ST3GAL1: variants seen among roughly 807,000 people sequenced by gnomAD.
ST3GAL1 encodes ST3 beta-galactoside alpha-2,3-sialyltransferase 1.
In ST3GAL1, 16 loss-of-function variants were observed where a neutral mutation model predicts 34.1. The observed-to-expected ratio is 0.47, with a 90% CI of 0.32 to 0.71. The LOEUF is 0.71. ST3GAL1 is among the 30% of genes least tolerant of loss of function. The pLI, the probability that ST3GAL1 is intolerant of heterozygous loss-of-function variation, is 0.04. For synonymous variants in ST3GAL1, 191 were observed against 184.7 expected, an observed-to-expected ratio of 1.03 and a Z score of -0.28; for missense variants, 353 against 447.4, an observed-to-expected ratio of 0.79 and a Z score of 1.90.
chr8:133,558,392 G>A (rs1819119665), intron 1 of ST3GAL1, among the ~76,000 whole-genome samples: 1 of 152,202 alleles, frequency 6.6e-6, no homozygotes, highest in East Asian at 1.9e-4. Context: ...GAGAGGTTCA[G>A]CAACTTGCTG....
intron 5 of ST3GAL1, among the ~76,000 whole-genome samples, chr8:133,474,611 T>G (rs1306688839): frequency 6.6e-6 from 1 of 152,046 alleles, no homozygotes; most frequent in Non-Finnish European, 1.5e-5. Flanking sequence ...CTCCCCTGAT[T>G]TACAGCCCCC....
Position 133,469,556 on chromosome 8 carries a change from C to T in ST3GAL1, c.307-3466G>A, listed in dbSNP as rs1220928533. Among the ~76,000 whole-genome samples the T allele has an allele frequency of 3.3e-5, 5 of 152,192 alleles. No individual in the cohort carries two copies. The highest frequency in any genetic ancestry group is 5.9e-5 in the Non-Finnish European group (4 of 68,036). On this transcript the variant is annotated intron_variant, in intron 5 of 9. Coordinates refer to ENST00000522652, the MANE Select transcript of ST3GAL1 (RefSeq NM_173344.3). This position sits in a 1 kb window ranked among gnomAD's most constrained non-coding sequence, Gnocchi z 4.3. ...TAAACTTATTAGAAAGGAAACCTCT[C>T]ATCTCTACCACACGTAGAAAGCAAG...
At chr8:133,479,061 T>C (rs1334238111) in intron 3 of ST3GAL1, among the ~76,000 whole-genome samples, 1 of 152,186 alleles carries the variant, frequency 6.6e-6, no homozygotes, top group East Asian at 1.9e-4. Flanking sequence ...CACCTAGCCC[T>C]TCCGAACCAT....
rs191466113 is a variant in ST3GAL1 at position 133,561,647 on chromosome 8, G to T, written c.-582+10046C>A. On this transcript the variant is annotated intron_variant, in intron 1 of 9. Transcript: ENST00000522652. ...GGATGTAGAGACTTAGATTTATGTT[G>T]TTTTTTTTGCCACTGTTCTCACGCT... Among the ~76,000 whole-genome samples, 6 of 151,998 alleles carry T rather than the reference G, an allele frequency of 3.9e-5. No individual in the cohort carries two copies. In the East Asian group the frequency reaches 1.2e-3, roughly 29 times the overall value.
chr8:133,471,948 G>A (rs1330736157), intron 5 of ST3GAL1, among the ~76,000 whole-genome samples: 1 of 151,902 alleles, frequency 6.6e-6, no homozygotes, highest in African/African-American at 2.4e-5. Context: ...ATCACAAAAC[G>A]GTTTCCCAAG....
Position 133,467,277 on chromosome 8 carries a change from T to C in ST3GAL1, c.307-1187A>G, listed in dbSNP as rs769735479. On this transcript the variant is annotated intron_variant, in intron 5 of 9. Transcript: ENST00000522652. This position sits in a 1 kb window ranked among gnomAD's most constrained non-coding sequence, Gnocchi z 4.2. ...CTATTGGCCCCCGGTGGTTTCACTATTGGCCCCCGCTGCATGCCCAGGCCC... is the reference window on the plus strand; with the variant it reads ...CTATTGGCCCCCGGTGGTTTCACTACTGGCCCCCGCTGCATGCCCAGGCCC... Among the ~76,000 whole-genome samples the C allele has an allele frequency of 2.6e-5, 4 of 152,188 alleles. No individual in the cohort carries two copies. The highest frequency in any genetic ancestry group is 7.2e-5 in the African/African-American group (3 of 41,440).
In ST3GAL1 at chr8:133,571,407, C is replaced by G. The variant is rs1819564639; in HGVS notation, c.-582+286G>C. On this transcript the variant is annotated intron_variant, in intron 1 of 9. Coordinates refer to ENST00000522652, the MANE Select transcript of ST3GAL1 (RefSeq NM_173344.3). The surrounding 1 kb of genome is among the most constrained non-coding windows in gnomAD (Gnocchi z 6.7). The stretch of plus-strand genomic sequence containing the variant: ...CTCCTCCAGTGTCGGCCGAAGACCC[C>G]TAAGCCCGAACCTCCACCCCGACCT... Among the ~76,000 whole-genome samples the G allele has an allele frequency of 6.6e-6, 1 of 152,206 alleles. No homozygotes were observed. The highest frequency in any genetic ancestry group is 1.5e-5 in the Non-Finnish European group (1 of 68,036).
chr8:133,463,540 G>A, intron 7 of ST3GAL1, 81 bp from the exon 8 acceptor site: 2 of 1,468,208 alleles, frequency 1.4e-6, no homozygotes, highest in East Asian at 2.3e-5. Flanking sequence ...GGGGGTAGTG[G>A]CTAGATAATG....
chr8:133,494,913 CTTTTTTTTTT>C (rs34975583), intron 3 of ST3GAL1, among the ~76,000 whole-genome samples: 5 of 100,708 alleles, frequency 5.0e-5, no homozygotes, highest in Non-Finnish European at 7.6e-5. Flanking sequence ...TTCCTCTATT[CTTTTTTTTTT>C]TTTTTTTTTT....
In ST3GAL1 at chr8:133,544,814, G is replaced by A. The variant is rs12681666; in HGVS notation, c.-429+960C>T. ...AAGTTACTCCATTCTTATACTAGAG[G>A]GAGAGAGTGAGACAGTGTGCACGAC... On this transcript the variant is annotated intron_variant, in intron 2 of 9. Coordinates refer to ENST00000522652, the MANE Select transcript of ST3GAL1 (RefSeq NM_173344.3). Among the ~76,000 whole-genome samples the A allele has an allele frequency of 0.023, 3,478 of 152,292 alleles. 213 individuals are homozygous for A. In the East Asian group the frequency reaches 0.24, roughly 10 times the overall value.
intron 3 of ST3GAL1, among the ~76,000 whole-genome samples, chr8:133,497,455 AATTTTTTTTTTTT>A (rs1274684593): frequency 7.9e-5 from 8 of 101,242 alleles, no homozygotes; most frequent in South Asian, 3.3e-4. Context: ...ATTTTGTTGG[AATTTTTTTTTTTT>A]TTTTTTTTTT....
chr8:133,494,913 C>CTTTTTTTTTTT (rs34975583), intron 3 of ST3GAL1, among the ~76,000 whole-genome samples: 3 of 100,708 alleles, frequency 3.0e-5, no homozygotes, highest in African/African-American at 7.9e-5. Flanking sequence ...TTCCTCTATT[C>CTTTTTTTTTTT]TTTTTTTTTT....
intron 2 of ST3GAL1, among the ~76,000 whole-genome samples, chr8:133,526,526 A>T (rs1266258455): frequency 6.6e-6 from 1 of 152,152 alleles, no homozygotes; most frequent in Non-Finnish European, 1.5e-5. Context: ...ACATCTATTG[A>T]GGGTCAGGGA....
Position 133,459,582 on chromosome 8 carries a change from C to T in ST3GAL1, c.*182G>A. The T allele has an allele frequency of 3.2e-6, 2 of 615,782 alleles. No individual in the cohort carries two copies. The highest frequency in any genetic ancestry group is 5.1e-6 in the Non-Finnish European group (2 of 390,172). 38.1% of individuals were successfully genotyped at this position (615,782 alleles called of 1,614,324 possible). A position where few individuals can be genotyped will look rare whatever the true frequency, so the allele number is the denominator to read the frequency against. On this transcript the variant is annotated 3_prime_UTR_variant, in exon 10 of 10. Coordinates refer to ENST00000522652, the MANE Select transcript of ST3GAL1 (RefSeq NM_173344.3). The surrounding 1 kb of genome is among the most constrained non-coding windows in gnomAD (Gnocchi z 4.7). ...TCCAAGACATGCTCTGCCACGCTGG[C>T]AGAGCTTAGTGACCTTGCTGAGTAG...
intron 2 of ST3GAL1, among the ~76,000 whole-genome samples, chr8:133,514,748 G>A (rs1472749223): frequency 2.0e-5 from 3 of 152,130 alleles, no homozygotes; most frequent in African/African-American, 7.2e-5. Context: ...GGCACTAGGT[G>A]GGGAGGGTCA....
intron 3 of ST3GAL1, among the ~76,000 whole-genome samples, chr8:133,495,638 C>G (rs531755550): frequency 1.1e-4 from 16 of 152,280 alleles, no homozygotes; most frequent in Admixed American, 4.6e-4. Flanking sequence ...AGCAACCAAT[C>G]CTGAGACATG....
chr8:133,541,452 C>T (rs1818528327), intron 2 of ST3GAL1, among the ~76,000 whole-genome samples: 1 of 152,078 alleles, frequency 6.6e-6, no homozygotes, highest in South Asian at 2.1e-4. Context: ...AAGGACAGGA[C>T]AGCAGTCCTG....
chr8:133,487,889 A>T (rs1160404184), intron 3 of ST3GAL1, among the ~76,000 whole-genome samples: 6 of 149,530 alleles, frequency 4.0e-5, no homozygotes, highest in Non-Finnish European at 8.9e-5. Context: ...AATTGCTTGA[A>T]CCCGGGAGGC....
At chr8:133,524,534 C>T (rs939025) in intron 2 of ST3GAL1, among the ~76,000 whole-genome samples, 102,798 of 152,186 alleles carry the variant, frequency 0.68, 35,003 homozygotes, top group Middle Eastern at 0.78. Context: ...CTTGGCCCAA[C>T]AGGTTGTGCT....
Sources: allele counts gnomAD v4.1 joint callset (sites outside exome capture counted in the v4.1 genomes callset), GRCh38; gene constraint gnomAD v4.1.1; non-coding constraint Gnocchi (gnomAD v3.1); transcripts MANE v1.5; gene names NCBI Gene and HGNC (gene_info 2026-07-23, HGNC 2026-07-21).